Variants in REDIC1 observed in about 807,000 individuals in gnomAD.
The protein encoded by REDIC1 is regulator of DNA class I crossover intermediates 1.
chr12:39,653,420 G>GT, the REDIC1 span, among the ~76,000 whole-genome samples: 1 of 151,186 alleles, frequency 6.6e-6, no homozygotes, highest in African/African-American at 2.4e-5. Flanking sequence ...TTGAGTAGGG[G>GT]TTTTTTTAAA....
At chr12:39,703,270 A>T in the REDIC1 span, among the ~76,000 whole-genome samples, 2 of 150,742 alleles carry the variant, frequency 1.3e-5, no homozygotes, top group Non-Finnish European at 1.5e-5. Flanking sequence ...AAAAATCACA[A>T]GCATTCTTAT....
chr12:39,853,051 T>A, the REDIC1 span, among the ~76,000 whole-genome samples: 1 of 152,228 alleles, frequency 6.6e-6, no homozygotes, highest in Non-Finnish European at 1.5e-5. Flanking sequence ...GCTTTTGTTG[T>A]TTCATTCCTT....
chr12:39,896,572 GTA>G, the REDIC1 span, among the ~76,000 whole-genome samples: 21 of 113,934 alleles, frequency 1.8e-4, no homozygotes, highest in East Asian at 1.5e-3. Context: ...ATATATGTAT[GTA>G]TGTGTGTATA....
the REDIC1 span, among the ~76,000 whole-genome samples, chr12:39,709,839 A>G: frequency 1.3e-5 from 2 of 151,816 alleles, no homozygotes. Context: ...ATATATACTC[A>G]CAAGTTATAT....
the REDIC1 span, among the ~76,000 whole-genome samples, chr12:39,701,191 C>G: frequency 1.9e-3 from 291 of 152,216 alleles, no homozygotes; most frequent in African/African-American, 6.7e-3. Flanking sequence ...TCAGGAATCC[C>G]ATACCACGTG....
chr12:39,675,248 C>G, the REDIC1 span, among the ~76,000 whole-genome samples: 1 of 152,204 alleles, frequency 6.6e-6, no homozygotes, highest in African/African-American at 2.4e-5. Flanking sequence ...CCCCATCCCC[C>G]ACAGTGGCTG....
At chr12:39,896,264 G>GCA in the REDIC1 span, among the ~76,000 whole-genome samples, 1 of 139,600 alleles carries the variant, frequency 7.2e-6, no homozygotes, top group South Asian at 2.2e-4. Context: ...ATGTATATGT[G>GCA]TGTATATATG....
At chr12:39,692,521 AT>A in the REDIC1 span, among the ~76,000 whole-genome samples, 1 of 112,756 alleles carries the variant, frequency 8.9e-6, no homozygotes, top group Non-Finnish European at 1.9e-5. Flanking sequence ...AACTCTATAT[AT>A]TTTTCTGCAA....
At chr12:39,871,770 T>C in the REDIC1 span, 3 of 1,573,932 alleles carry the variant, frequency 1.9e-6, no homozygotes, top group Non-Finnish European at 2.6e-6. Flanking sequence ...ATAAAGTTTA[T>C]AATTGAATTC....
At chr12:39,853,959 T>C in the REDIC1 span, among the ~76,000 whole-genome samples, 5 of 152,184 alleles carry the variant, frequency 3.3e-5, no homozygotes, top group African/African-American at 1.2e-4. Context: ...TTCAGGGCAG[T>C]ATTTTGTTAA....
the REDIC1 span, among the ~76,000 whole-genome samples, chr12:39,719,863 C>T: frequency 6.6e-6 from 1 of 152,044 alleles, no homozygotes; most frequent in East Asian, 1.9e-4. Flanking sequence ...TATCCATCCC[C>T]TTGAGTATTT....
At chr12:39,707,069 T>C in the REDIC1 span, among the ~76,000 whole-genome samples, 1 of 151,604 alleles carries the variant, frequency 6.6e-6, no homozygotes, top group East Asian at 1.9e-4. Context: ...AAACAATCAA[T>C]AAAGAGACAA....
chr12:39,729,775 T>A, the REDIC1 span, among the ~76,000 whole-genome samples: 1 of 152,198 alleles, frequency 6.6e-6, no homozygotes, highest in Non-Finnish European at 1.5e-5. Context: ...AGTCTCCCAC[T>A]ATTATTATGT....
At chr12:39,785,821 A>G in the REDIC1 span, among the ~76,000 whole-genome samples, 1 of 152,136 alleles carries the variant, frequency 6.6e-6, no homozygotes, top group Non-Finnish European at 1.5e-5. Context: ...GGAGCTTTAA[A>G]ATTAGACTGC....
chr12:39,758,961 A>C, the REDIC1 span: 1 of 152,386 alleles, frequency 6.6e-6, no homozygotes, highest in Non-Finnish European at 1.5e-5. Context: ...ATTTTTATTA[A>C]ACAAACACCA....
chr12:39,855,507 C>T, the REDIC1 span, among the ~76,000 whole-genome samples: 2 of 152,190 alleles, frequency 1.3e-5, no homozygotes, highest in Non-Finnish European at 2.9e-5. Context: ...CTTCATTACA[C>T]TGTTTTGCAA....
At chr12:39,652,518 T>A in the REDIC1 span, among the ~76,000 whole-genome samples, 4 of 152,158 alleles carry the variant, frequency 2.6e-5, no homozygotes, top group Non-Finnish European at 5.9e-5. Context: ...ATATTAGCCA[T>A]GTGTGACTCT....
chr12:39,814,123 A>G, the REDIC1 span, among the ~76,000 whole-genome samples: 1 of 152,248 alleles, frequency 6.6e-6, no homozygotes, highest in Non-Finnish European at 1.5e-5. Context: ...GTGATAATTA[A>G]GAATTAAATT....
chr12:39,780,812 T>C, the REDIC1 span, among the ~76,000 whole-genome samples: 2 of 152,190 alleles, frequency 1.3e-5, no homozygotes, highest in South Asian at 4.1e-4. Flanking sequence ...TTTTCTCTGA[T>C]ACAGTCATGA....
Sources: gnomAD v4.1 joint callset for allele counts (sites outside exome capture counted in the v4.1 genomes callset) on GRCh38, gnomAD v4.1.1 for gene constraint, MANE v1.5 for transcripts, NCBI Gene and HGNC (gene_info 2026-07-23, HGNC 2026-07-21) for gene names.